Variants in PCM1 observed in about 807,000 individuals in gnomAD.
The protein encoded by PCM1 is pericentriolar material 1.
In PCM1, 157 loss-of-function variants were observed where a neutral mutation model predicts 241.9. The ratio of observed to expected loss-of-function variants is 0.65; its 90% confidence interval spans 0.57 to 0.74. The LOEUF (loss-of-function observed/expected upper bound fraction) is 0.74. Among genes scored for constraint, PCM1 ranks in the 30% least tolerant of loss-of-function variants. PCM1 has a pLI of 0.00. For synonymous variants in PCM1, 1,085 were observed against 784.9 expected, an observed-to-expected ratio of 1.38 and a Z score of -6.39; for missense variants, 3,478 against 2,360.1, an observed-to-expected ratio of 1.47 and a Z score of -9.81.
At position 17,957,721 on chromosome 8, in the gene PCM1, TA is replaced by T; in HGVS notation, c.1987del (p.Met663TrpfsTer64). ...AATTTGAACAGAAGATCAACCGACT[TA>T]TGGCTGCAAAACAGAAACTTAGACA... is the stretch of plus-strand genomic sequence containing the variant. Reference protein sequence around the residue: ...AEFEQKINRLMAAKQKLRQLQ... With the variant: ...AEFEQKINRLXAAKQKLRQLQ... On this transcript the variant is annotated frameshift_variant, in exon 13 of 39. Coordinates refer to ENST00000325083, the MANE Select transcript of PCM1 (RefSeq NM_006197.4). LOFTEE classifies it high-confidence loss of function. 1.2e-6 allele frequency: 2 copies of T among 1,613,692 alleles called. No homozygotes were observed. The highest frequency in any genetic ancestry group is 1.7e-6 in the Non-Finnish European group (2 of 1,179,798).
rs1390052361 is a variant in PCM1, at chr8:17,938,910, T to G, written c.513T>G (p.Cys171Trp). Reference protein sequence around the residue: ...PNRETIGSAQCKELFASALSN... With the variant: ...PNRETIGSAQWKELFASALSN... Reference sequence around the variant, plus strand: ...GAGAAACGATTGGATCAGCACAGTGTAAAGAGTTGTTTGCTTCTGCTTTAA... The same window carrying G: ...GAGAAACGATTGGATCAGCACAGTGGAAAGAGTTGTTTGCTTCTGCTTTAA... Residue 171 changes from cysteine to tryptophan, a missense_variant, in exon 5 of 39, where the codon TGT becomes TGG. Coordinates refer to ENST00000325083, the MANE Select transcript of PCM1 (RefSeq NM_006197.4). The G allele has an allele frequency of 6.2e-7, 1 of 1,613,628 alleles. No homozygotes were observed. The highest frequency in any genetic ancestry group is 1.3e-5 in the African/African-American group (1 of 74,928).
chr8:18,025,949 G>C (rs1431173940), intron 38 of PCM1, among the ~76,000 whole-genome samples: 1 of 151,852 alleles, frequency 6.6e-6, no homozygotes, highest in African/African-American at 2.4e-5. Flanking sequence ...TGGATCACGA[G>C]GTCAGGAGAT....
chr8:17,955,560 G>A lies in PCM1; in HGVS notation c.1379G>A (p.Ser460Asn), dbSNP rs986080636. The stretch of plus-strand genomic sequence containing the variant: ...CCGGTTGTCAATGGAGAATCCAATA[G>A]CCTCACATCATCTGTTCCTTATCCT... ...LAPVVNGESN[S>N]LTSSVPYPTA... Residue 460 changes from serine (S) to asparagine (N), a missense_variant, in exon 10 of 39, where the codon AGC becomes AAC. By Grantham distance (46) the Ser-to-Asn change is conservative (BLOSUM62 1). Transcript: ENST00000325083. 1 of 1,613,626 alleles carries A rather than the reference G, an allele frequency of 6.2e-7. No individual in the cohort carries two copies. Among genetic ancestry groups the A allele is most frequent in the Admixed American group, 1.7e-5 (1 of 60,018 alleles).
Position 18,029,156 on chromosome 8 carries a change from C to CAAAAAAAAAA in PCM1, c.*1511_*1520dup, listed in dbSNP as rs11333913. ...CTGGCAACAGAGCGAGACTCTGTCT[C>CAAAAAAAAAA]AAAAAAAAAAAAAAAAAAAAAAAAA... On this transcript the variant is annotated 3_prime_UTR_variant, in exon 39 of 39. Transcript: ENST00000325083. 3 of 55,848 alleles carry CAAAAAAAAAA rather than the reference C, an allele frequency of 5.4e-5. No homozygotes were observed. The highest frequency in any genetic ancestry group is 5.7e-4 in the Admixed American group (2 of 3,486). The allele number at this position is 55,848 out of a possible 1,614,324, so 3.5% of individuals were successfully genotyped here.
chr8:17,924,475 A>G (rs2056086922), intron 1 of PCM1, among the ~76,000 whole-genome samples: 3 of 152,242 alleles, frequency 2.0e-5, no homozygotes, highest in Admixed American at 6.5e-5. Context: ...TCCGAAATAG[A>G]TATCACTTTG....
Position 18,029,208 on chromosome 8 carries a change from A to G in PCM1, c.*1546A>G, listed in dbSNP as rs992166281. The stretch of plus-strand genomic sequence containing the variant: ...GTTAACTTGCTGTATACCTCAGTGT[A>G]ATGTCCATTCAAGGAGTATTAAATG... On this transcript the variant is annotated 3_prime_UTR_variant, in exon 39 of 39. Coordinates refer to ENST00000325083, the MANE Select transcript of PCM1 (RefSeq NM_006197.4). 1 of 191,970 alleles carries G rather than the reference A, an allele frequency of 5.2e-6. No homozygotes were observed. Among genetic ancestry groups the G allele is most frequent in the Non-Finnish European group, 1.1e-5 (1 of 91,324 alleles). 11.9% of individuals were successfully genotyped at this position (191,970 alleles called of 1,614,324 possible). A position where few individuals can be genotyped will look rare whatever the true frequency, so the allele number is the denominator to read the frequency against.
chr8:17,965,773 G>A (rs1176411151), intron 18 of PCM1, among the ~76,000 whole-genome samples: 1 of 152,176 alleles, frequency 6.6e-6, no homozygotes, highest in African/African-American at 2.4e-5. Flanking sequence ...TATGGACACT[G>A]CTGTGTAAAA....
In PCM1 at chr8:17,956,672, C is replaced by G; in HGVS notation, c.1541C>G (p.Ser514Ter). 6.2e-7 allele frequency: 1 copy of G among 1,601,486 alleles called. No homozygotes were observed. Among genetic ancestry groups the G allele is most frequent in the Non-Finnish European group, 8.5e-7 (1 of 1,171,006 alleles). ...RELVHYYEQTSDMMTDAVNEN... is the reference protein window; with the variant it reads ...RELVHYYEQT The stretch of plus-strand genomic sequence containing the variant: ...TTAGTTCATTATTATGAACAAACGT[C>G]AGACATGATGACAGATGCTGTGAAT... The change falls in exon 11 of 39, where the codon TCA (serine) becomes TGA (stop). Residue 514 changes from serine (S) to a stop codon, truncating the protein, a stop_gained. Transcript: ENST00000325083. LOFTEE classifies it high-confidence loss of function.
intron 24 of PCM1, chr8:17,983,374 T>G (rs1301275600): frequency 1.4e-6 from 1 of 720,788 alleles, no homozygotes. Flanking sequence ...GATTTTTTTC[T>G]TTTTTAAATT....
In PCM1 at chr8:17,960,452, T is replaced by C. The variant is rs1446324600; in HGVS notation, c.2322+8T>C. On this transcript the variant is annotated splice_region_variant and intron_variant, in intron 15 of 38. Coordinates refer to ENST00000325083, the MANE Select transcript of PCM1 (RefSeq NM_006197.4). ...GCATGCCCTGACTTACAGGTAATTATGAAATTTATTTCTAATTGTCTGAAA... is the reference window on the plus strand; with the variant it reads ...GCATGCCCTGACTTACAGGTAATTACGAAATTTATTTCTAATTGTCTGAAA... 1 of 1,572,924 alleles carries C rather than the reference T, an allele frequency of 6.4e-7. No individual in the cohort carries two copies. The highest frequency in any genetic ancestry group is 8.6e-7 in the Non-Finnish European group (1 of 1,165,156).
At chr8:17,955,886 A>G (rs2068147450) in intron 10 of PCM1, 1 of 522,538 alleles carries the variant, frequency 1.9e-6, no homozygotes, top group Non-Finnish European at 3.4e-6. Flanking sequence ...TTTTTCAAAT[A>G]AAGGATCAAA....
chr8:17,966,952 C>A lies in PCM1; in HGVS notation c.3222-28C>A, dbSNP rs368383063. ...TATATATATGGCAATATAACTGATTCTTAGATTACTGACTTAAATCTTTGT... is the reference window on the plus strand; with the variant it reads ...TATATATATGGCAATATAACTGATTATTAGATTACTGACTTAAATCTTTGT... On this transcript the variant is annotated intron_variant, in intron 20 of 38. Transcript: ENST00000325083. 146 of 1,562,240 alleles carry A rather than the reference C, an allele frequency of 9.3e-5. 2 individuals carry two copies. In the East Asian group the frequency reaches 3.3e-3, roughly 35 times the overall value.
intron 29 of PCM1, among the ~76,000 whole-genome samples, chr8:18,003,527 G>A (rs2090307493): frequency 6.6e-6 from 1 of 152,146 alleles, no homozygotes; most frequent in Non-Finnish European, 1.5e-5. Context: ...TGTGTTTACA[G>A]GCAGAATTCC....
chr8:17,993,996 A>G (rs1198200540), intron 29 of PCM1, among the ~76,000 whole-genome samples: 2 of 152,184 alleles, frequency 1.3e-5, no homozygotes, highest in South Asian at 2.1e-4. Context: ...ATCATGGTAA[A>G]TGGGGTATCC....
At chr8:17,935,463 C>A in intron 2 of PCM1, 126 bp from the exon 3 acceptor site, 1 of 588,178 alleles carries the variant, frequency 1.7e-6, no homozygotes, top group South Asian at 2.2e-5. Context: ...ATGTGGTTGA[C>A]AGTGCCTCAT....
At chr8:17,992,352 T>C (rs555977528) in intron 28 of PCM1, among the ~76,000 whole-genome samples, 1 of 152,234 alleles carries the variant, frequency 6.6e-6, no homozygotes, top group African/African-American at 2.4e-5. Context: ...CTAGTTAGTT[T>C]ACATGCCCAC....
chr8:17,939,903 A>G lies in PCM1; in HGVS notation c.783+42A>G, dbSNP rs376642069. ...TAAAATAACATATTATTTTTGTAGT[A>G]TCTCAGTGTGTATTTACTGATGACA... On this transcript the variant is annotated intron_variant, in intron 6 of 38. Coordinates refer to ENST00000325083, the MANE Select transcript of PCM1 (RefSeq NM_006197.4). The G allele has an allele frequency of 4.8e-5, 59 of 1,233,056 alleles. No individual in the cohort carries two copies. In the African/African-American group the frequency reaches 6.6e-4, roughly 14 times the overall value. 76.4% of individuals were successfully genotyped at this position (1,233,056 alleles called of 1,614,324 possible).
chr8:17,923,294 C>G (rs2055262710), intron 1 of PCM1, 106 bp downstream of exon 1: 1 of 152,404 alleles, frequency 6.6e-6, no homozygotes, highest in Admixed American at 6.5e-5. Context: ...TGGCCACGGG[C>G]CCACGCCTCC....
At chr8:17,959,106 C>G (rs777218873) in intron 13 of PCM1, among the ~76,000 whole-genome samples, 4 of 152,172 alleles carry the variant, frequency 2.6e-5, no homozygotes, top group Middle Eastern at 3.4e-3. Context: ...AGGTACATCA[C>G]TATGCACCTA....
Sources: allele counts gnomAD v4.1 joint callset (sites outside exome capture counted in the v4.1 genomes callset), GRCh38; gene constraint gnomAD v4.1.1; transcripts MANE v1.5; gene names NCBI Gene and HGNC (gene_info 2026-07-23, HGNC 2026-07-21).